The following ABCC6 variants were observed in gnomAD, a reference collection of about 807,000 sequenced individuals.
The protein encoded by ABCC6 is ATP-binding cassette sub-family C member 6.
ABCC6 carries 126 observed loss-of-function variants against 169.5 expected under a neutral mutation model. The observed-to-expected ratio is 0.74, with a 90% CI of 0.64 to 0.86. ABCC6 has a LOEUF of 0.86. Among genes scored for constraint, ABCC6 ranks in the 40% least tolerant of loss-of-function variants. The probability of loss-of-function intolerance (pLI) is 0.00; values close to 1 mark genes in which losing one functional copy is unlikely to be tolerated. For synonymous variants in ABCC6, 752 were observed against 814.7 expected, an observed-to-expected ratio of 0.92 and a Z score of 1.31; for missense variants, 1,733 against 1,927.2, an observed-to-expected ratio of 0.90 and a Z score of 1.89.
intron 7 of ABCC6, among the ~76,000 whole-genome samples, chr16:16,208,171 A>T (rs1168881317): frequency 6.6e-6 from 1 of 151,840 alleles, no homozygotes; most frequent in African/African-American, 2.4e-5. Flanking sequence ...CCATTTCCCC[A>T]TTTGTAGGAA....
In ABCC6 at chr16:16,187,182, G is replaced by A. The variant is rs931281544; in HGVS notation, c.1809C>T (p.Thr603=). ...QARVSFDRLV[T]FLCLEEVDPG... ...GGTCAACTTCTTCCAGGCAGAGGAA[G>A]GTGACCAGACGGTCAAAGGACACCC... The change falls in exon 14 of 31, where the codon ACC becomes ACT. Residue 603 remains threonine, a synonymous_variant. Coordinates refer to ENST00000205557, the MANE Select transcript of ABCC6 (RefSeq NM_001171.6). 6.2e-7 allele frequency: 1 copy of A among 1,613,786 alleles called. No individual in the cohort carries two copies. The highest frequency in any genetic ancestry group is 1.3e-5 in the African/African-American group (1 of 75,036).
chr16:16,205,182 C>A (rs2048354403), intron 7 of ABCC6, among the ~76,000 whole-genome samples: 1 of 152,098 alleles, frequency 6.6e-6, no homozygotes, highest in South Asian at 2.1e-4. Flanking sequence ...GACCCGGGGC[C>A]ACGTGCTGGG....
chr16:16,203,424 G>T lies in ABCC6; in HGVS notation c.984C>A (p.Val328=). 1.2e-6 allele frequency: 2 copies of T among 1,613,916 alleles called. No individual in the cohort carries two copies. The highest frequency in any genetic ancestry group is 1.7e-6 in the Non-Finnish European group (2 of 1,179,876). The part of the protein sequence containing the change: ...LIISDVFRFT[V]PKLLSLFLEF... The stretch of plus-strand genomic sequence containing the variant: ...CTGGGACTCACCTGAGCAGCTTGGG[G>T]ACAGTGAACCTGAAGACATCACTGA... Residue 328 remains valine, a synonymous_variant, in exon 8 of 31, where the codon GTC becomes GTA. Transcript: ENST00000205557.
At position 16,150,009 on chromosome 16, in the gene ABCC6, A is replaced by G. The variant is rs948557617; in HGVS notation, c.*124T>C. The G allele has an allele frequency of 1.2e-5, 17 of 1,444,958 alleles. No individual in the cohort carries two copies. Among genetic ancestry groups the G allele is most frequent in the Non-Finnish European group, 1.5e-5 (16 of 1,052,764 alleles). The allele number at this position is 1,444,958 out of a possible 1,614,324, so 89.5% of individuals were successfully genotyped here. A position where few individuals can be genotyped will look rare whatever the true frequency, so the allele number is the denominator to read the frequency against. On this transcript the variant is annotated 3_prime_UTR_variant, in exon 31 of 31. Coordinates refer to ENST00000205557, the MANE Select transcript of ABCC6 (RefSeq NM_001171.6). ...CCACTTTCTCTGCCATTTTCCTCCCAGAGAGCAAACACAGGTCTAGACTCA... is the reference window on the plus strand; with the variant it reads ...CCACTTTCTCTGCCATTTTCCTCCCGGAGAGCAAACACAGGTCTAGACTCA...
At chr16:16,217,563 A>G (rs1239461098) in intron 4 of ABCC6, among the ~76,000 whole-genome samples, 1 of 152,194 alleles carries the variant, frequency 6.6e-6, no homozygotes, top group Non-Finnish European at 1.5e-5. Flanking sequence ...TTAAAAAAAT[A>G]AAGAACCCAT....
chr16:16,187,163 C>T lies in ABCC6; in HGVS notation c.1828G>A (p.Val610Ile). The T allele has an allele frequency of 6.2e-7, 1 of 1,613,662 alleles. No individual in the cohort carries two copies. Among genetic ancestry groups the T allele is most frequent in the Non-Finnish European group, 8.5e-7 (1 of 1,179,756 alleles). The change falls in exon 14 of 31, where the codon GTT (valine) becomes ATT (isoleucine). Residue 610 changes from valine to isoleucine, a missense_variant. Around this residue, in one of 5 missense-constraint regions of ABCC6, gnomAD observed 1,601 missense variants for 1,635.5 expected, o/e 0.98. Coordinates refer to ENST00000205557, the MANE Select transcript of ABCC6 (RefSeq NM_001171.6). ...RLVTFLCLEE[V>I]DPGVVDSSSS... The stretch of plus-strand genomic sequence containing the variant: ...CTTGAGTCTACGACACCAGGGTCAA[C>T]TTCTTCCAGGCAGAGGAAGGTGACC...
At chr16:16,211,382 C>T (rs1013642998) in intron 6 of ABCC6, among the ~76,000 whole-genome samples, 1 of 152,130 alleles carries the variant, frequency 6.6e-6, no homozygotes, top group Non-Finnish European at 1.5e-5. Context: ...GCCTGGGCAA[C>T]AAGAACGGAA....
intron 29 of ABCC6, 103 bp downstream of exon 29, chr16:16,154,525 G>A (rs769589450): frequency 8.5e-6 from 12 of 1,414,930 alleles, no homozygotes; most frequent in Non-Finnish European, 9.8e-6. Flanking sequence ...GTAACAGAGT[G>A]ATAATCCTAT....
intron 12 of ABCC6, 44 bp downstream of exon 12, chr16:16,190,120 T>C (rs771038735): frequency 3.8e-6 from 6 of 1,575,926 alleles, no homozygotes; most frequent in South Asian, 1.1e-5. Flanking sequence ...ACCCCCGCAC[T>C]CCTTCCCCAG....
chr16:16,177,418 C>T, intron 19 of ABCC6, 34 bp downstream of exon 19: 1 of 1,613,536 alleles, frequency 6.2e-7, no homozygotes, highest in Non-Finnish European at 8.5e-7. Flanking sequence ...TGGCAGGAGC[C>T]AGGCCTGGAG....
At chr16:16,171,916 TGGGTGGGTGGATAAA>T (rs2047092817) in intron 21 of ABCC6, among the ~76,000 whole-genome samples, 1 of 2,478 alleles carries the variant, frequency 4.0e-4, no homozygotes, top group African/African-American at 1.5e-3. Context: ...AATGGGTGGG[TGGGTGGGTGGATAAA>T]TGGGTGGGTG....
chr16:16,214,411 G>A lies in ABCC6; in HGVS notation c.513C>T (p.Tyr171=). Residue 171 remains tyrosine, a synonymous_variant, in exon 5 of 31, where the codon TAC becomes TAT. Transcript: ENST00000205557. ...GTGCCACCACCAGAGACAGGCATAG[G>A]TAGGTGGACAGGTGGCGGACAGGGT... ...QSDPVRHLST[Y]LCLSLVVAQF... 2 of 1,551,330 alleles carry A rather than the reference G, an allele frequency of 1.3e-6. No homozygotes were observed. The highest frequency in any genetic ancestry group is 1.2e-5 in the South Asian group (1 of 84,038).
chr16:16,202,726 C>G (rs1364290558), intron 8 of ABCC6, among the ~76,000 whole-genome samples: 1 of 152,196 alleles, frequency 6.6e-6, no homozygotes, highest in Non-Finnish European at 1.5e-5. Context: ...TAATCTCGAA[C>G]TTCCAGCTTT....
intron 4 of ABCC6, among the ~76,000 whole-genome samples, chr16:16,216,574 C>T (rs182602644): frequency 7.9e-4 from 120 of 152,230 alleles, no homozygotes; most frequent in Middle Eastern, 3.4e-3. Flanking sequence ...TTTATCAGTT[C>T]GTCTGTTGAT....
At chr16:16,175,815 T>C in intron 20 of ABCC6, 96 bp downstream of exon 20, 1 of 1,386,316 alleles carries the variant, frequency 7.2e-7, no homozygotes, top group Non-Finnish European at 1.0e-6. Context: ...ATAATGGTTT[T>C]GGTTGCCCGC....
rs1177051975 is a variant in ABCC6 at position 16,182,451 on chromosome 16, G to T, written c.2208C>A (p.Asp736Glu). ...AAGTGTGGATTCCCTCAGGGAAGCT[G>T]TCCACATCTGGCTGCAGGGCACAGG... The part of the protein sequence containing the change: ...LEACALQPDV[D>E]SFPEGIHTSI... Residue 736 changes from aspartate to glutamate, a missense_variant, in exon 17 of 31, where the codon GAC (aspartate) becomes GAA (glutamate). This residue lies in a region of ABCC6 where 1,601 missense variants were observed against 1,635.5 expected (regional missense o/e 0.98). Coordinates refer to ENST00000205557, the MANE Select transcript of ABCC6 (RefSeq NM_001171.6). The T allele has an allele frequency of 2.5e-6, 4 of 1,614,094 alleles. No homozygotes were observed. The African/African-American group carries it at 4.0e-5, about 16-fold the overall frequency.
intron 5 of ABCC6, among the ~76,000 whole-genome samples, chr16:16,212,960 A>T (rs2048690818): frequency 6.6e-6 from 1 of 152,166 alleles, no homozygotes; most frequent in African/African-American, 2.4e-5. Context: ...ATAAGGCGTG[A>T]AGGTGCCCAT....
chr16:16,177,348 G>A (rs2047308955), intron 19 of ABCC6, 104 bp downstream of exon 19: 1 of 1,324,660 alleles, frequency 7.5e-7, no homozygotes. Context: ...CTGCAGACAG[G>A]GTGTGGCCAG....
intron 13 of ABCC6, among the ~76,000 whole-genome samples, chr16:16,188,118 A>C (rs1208841898): frequency 6.6e-6 from 1 of 151,070 alleles, no homozygotes; most frequent in Admixed American, 6.6e-5. Context: ...GCAGTGGCTC[A>C]TGTCTGTAAT....
Sources: allele counts gnomAD v4.1 joint callset (sites outside exome capture counted in the v4.1 genomes callset), GRCh38; gene constraint gnomAD v4.1.1; regional missense constraint gnomAD v4.1.1; transcripts MANE v1.5; gene names NCBI Gene and HGNC (gene_info 2026-07-23, HGNC 2026-07-21).